The following CAV2 variants were observed in gnomAD, a reference collection of about 807,000 sequenced individuals.
CAV2 encodes caveolin-2.
CAV2 carries 7 observed loss-of-function variants against 15.5 expected under a neutral mutation model. The ratio of observed to expected loss-of-function variants is 0.45; its 90% CI spans 0.26 to 0.85. CAV2 has a LOEUF of 0.85. Ranked by LOEUF, CAV2 falls within the 40% of genes least tolerant of loss-of-function variation. The pLI is 0.18. For missense variants in CAV2, 229 were observed against 208.8 expected (o/e 1.10, Z -0.60); for synonymous variants, 76 against 83.1 (o/e 0.91, Z 0.46).
At position 116,500,538 on chromosome 7, in the gene CAV2, G is replaced by C. The variant is rs370692837; in HGVS notation, c.338+91G>C. 3.5e-5 allele frequency: 46 copies of C among 1,297,736 alleles called. 1 individual carries two copies. In the East Asian group the frequency reaches 6.8e-4, roughly 19 times the overall value. The allele number at this position is 1,297,736 out of a possible 1,614,324, so 80.4% of individuals were successfully genotyped here. A position where few individuals can be genotyped will look rare whatever the true frequency, so the allele number is the denominator to read the frequency against. ...CCTACTCTCCTCTTATCCCAGGCCG[G>C]CGTCAGGAGGAGGAACGCGCATCAG... On this transcript the variant is annotated intron_variant, in intron 2 of 2. Coordinates refer to ENST00000222693, the MANE Select transcript of CAV2 (RefSeq NM_001233.5).
At position 116,507,535 on chromosome 7, in the gene CAV2, T is replaced by C. The variant is rs1021162986; in HGVS notation, c.*1414T>C. 2 of 152,120 alleles carry C rather than the reference T, an allele frequency of 1.3e-5. No homozygotes were observed. The highest frequency in any genetic ancestry group is 2.9e-5 in the Non-Finnish European group (2 of 68,090). The allele number at this position is 152,120 out of a possible 1,614,324, so 9.4% of individuals were successfully genotyped here. A position where few individuals can be genotyped will look rare whatever the true frequency, so the allele number is the denominator to read the frequency against. On this transcript the variant is annotated 3_prime_UTR_variant, in exon 3 of 3. Transcript: ENST00000222693. The stretch of plus-strand genomic sequence containing the variant: ...AAAATACAAAAAAATTAGTTGGGCA[T>C]GGTGGCATGCACCTGTAGTCCCAGC...
chr7:116,500,515 T>C, intron 2 of CAV2, 68 bp downstream of exon 2: 2 of 1,460,252 alleles, frequency 1.4e-6, no homozygotes, highest in East Asian at 4.6e-5. Context: ...ACCTGCCCCC[T>C]ACTCTCCTCT....
At chr7:116,501,446 T>C (rs1441860410) in intron 2 of CAV2, among the ~76,000 whole-genome samples, 1 of 152,242 alleles carries the variant, frequency 6.6e-6, no homozygotes, top group Non-Finnish European at 1.5e-5. Context: ...TGATAAATAC[T>C]CGGTGTTCAT....
In CAV2 at chr7:116,507,043, G is replaced by C. The variant is rs73457934; in HGVS notation, c.*922G>C. 6.0e-4 allele frequency: 91 copies of C among 152,690 alleles called. No individual in the cohort carries two copies. The highest frequency in any genetic ancestry group is 2.1e-3 in the African/African-American group (89 of 41,558). 9.5% of individuals were successfully genotyped at this position (152,690 alleles called of 1,614,324 possible). On this transcript the variant is annotated 3_prime_UTR_variant, in exon 3 of 3. Transcript: ENST00000222693. Reference sequence around the variant, plus strand: ...CATATCTAAATAGTATTTTGTCTAGGAGATGCTTTCTCTCTAGTAGTTAGA... The same window carrying C: ...CATATCTAAATAGTATTTTGTCTAGCAGATGCTTTCTCTCTAGTAGTTAGA...
Position 116,499,947 on chromosome 7 carries a change from G to A in CAV2, c.150+16G>A. 2 of 1,608,292 alleles carry A rather than the reference G, an allele frequency of 1.2e-6. No individual in the cohort carries two copies. The highest frequency in any genetic ancestry group is 1.7e-6 in the Non-Finnish European group (2 of 1,178,026). On this transcript the variant is annotated intron_variant, in intron 1 of 2. Transcript: ENST00000222693. ...GCATCTCAAGGTGAAGCCCGGGGCG[G>A]GCGGGCCCAAGTCCCCGCTGAGGCC...
chr7:116,502,938 A>G (rs1338227100), intron 2 of CAV2, among the ~76,000 whole-genome samples: 1 of 152,182 alleles, frequency 6.6e-6, no homozygotes, highest in African/African-American at 2.4e-5. Context: ...GAGCACCCAT[A>G]TCCCTTATTT....
At position 116,506,931 on chromosome 7, in the gene CAV2, C is replaced by T. The variant is rs1378793715; in HGVS notation, c.*810C>T. 3.9e-5 allele frequency: 6 copies of T among 152,118 alleles called. No homozygotes were observed. The highest frequency in any genetic ancestry group is 1.9e-4 in the East Asian group (1 of 5,204). The allele number at this position is 152,118 out of a possible 1,614,324, so 9.4% of individuals were successfully genotyped here. On this transcript the variant is annotated 3_prime_UTR_variant, in exon 3 of 3. Coordinates refer to ENST00000222693, the MANE Select transcript of CAV2 (RefSeq NM_001233.5). Reference sequence around the variant, plus strand: ...TCTTTGGAAATAAAAGATAAAAGAGCGATACACAAAGCTTTCTTTTCTAAC... The same window carrying T: ...TCTTTGGAAATAAAAGATAAAAGAGTGATACACAAAGCTTTCTTTTCTAAC...
At chr7:116,505,530 G>A (rs184743696) in intron 2 of CAV2, among the ~76,000 whole-genome samples, 13 of 152,212 alleles carry the variant, frequency 8.5e-5, no homozygotes, top group African/African-American at 2.6e-4. Context: ...ATCTACTTTA[G>A]GCAAGGACCT....
intron 1 of CAV2, 101 bp downstream of exon 1, chr7:116,500,032 GC>G: frequency 6.7e-7 from 1 of 1,502,672 alleles, no homozygotes; most frequent in Non-Finnish European, 8.9e-7. Context: ...TACCGGGTCG[GC>G]CCCGCAGGGT....
intron 2 of CAV2, among the ~76,000 whole-genome samples, chr7:116,503,363 A>G (rs1181816992): frequency 6.6e-6 from 1 of 152,128 alleles, no homozygotes; most frequent in East Asian, 1.9e-4. Flanking sequence ...AAACAAAAAT[A>G]AAATCCAAAT....
intron 2 of CAV2, chr7:116,501,253 A>T (rs939926116): frequency 8.5e-5 from 13 of 152,226 alleles, no homozygotes; most frequent in African/African-American, 3.1e-4. Context: ...GGAAAATGTC[A>T]TATTTTACCA....
At chr7:116,504,586 T>G (rs1793187986) in intron 2 of CAV2, among the ~76,000 whole-genome samples, 1 of 152,152 alleles carries the variant, frequency 6.6e-6, no homozygotes. Flanking sequence ...AGACCCTCAT[T>G]TAAGTCATAT....
At chr7:116,505,865 C>A in intron 2 of CAV2, 106 bp from the exon 3 acceptor site, 3 of 715,682 alleles carry the variant, frequency 4.2e-6, no homozygotes, top group Non-Finnish European at 6.7e-6. Context: ...AACTCTCAAC[C>A]AAATTTAAGT....
At chr7:116,503,755 G>A (rs987445826) in intron 2 of CAV2, among the ~76,000 whole-genome samples, 6 of 151,652 alleles carry the variant, frequency 4.0e-5, no homozygotes, top group East Asian at 1.9e-4. Context: ...ACTCGAACCC[G>A]GGAGGCGAAG....
chr7:116,505,399 C>G (rs937597541), intron 2 of CAV2, among the ~76,000 whole-genome samples: 1 of 152,156 alleles, frequency 6.6e-6, no homozygotes, highest in Non-Finnish European at 1.5e-5. Flanking sequence ...TTTTGTGCAT[C>G]TTATCACTTT....
In CAV2 at chr7:116,508,199, C is replaced by T. The variant is rs1793287722; in HGVS notation, c.*2078C>T. 1 of 152,060 alleles carries T rather than the reference C, an allele frequency of 6.6e-6. No homozygotes were observed. The highest frequency in any genetic ancestry group is 1.5e-5 in the Non-Finnish European group (1 of 68,002). The allele number at this position is 152,060 out of a possible 1,614,324, so 9.4% of individuals were successfully genotyped here. ...TTATACATTTGGTTATGTTGATAAA[C>T]CAAAAACATTTGATTAATAAAATAT... On this transcript the variant is annotated 3_prime_UTR_variant, in exon 3 of 3. Coordinates refer to ENST00000222693, the MANE Select transcript of CAV2 (RefSeq NM_001233.5).
intron 1 of CAV2, 98 bp from the exon 2 acceptor site, chr7:116,500,162 C>G: frequency 1.3e-6 from 2 of 1,524,850 alleles, no homozygotes; most frequent in Non-Finnish European, 1.7e-6. Context: ...GACGCCCTGG[C>G]ACGTCCTTCC....
intron 2 of CAV2, among the ~76,000 whole-genome samples, chr7:116,504,038 A>AAAAG (rs34652023): frequency 0.42 from 51,078 of 122,566 alleles, 8,891 homozygotes; most frequent in African/African-American, 0.43. Flanking sequence ...AAGAGAAAGA[A>AAAAG]AAAGAAAGAA....
At chr7:116,503,193 C>T (rs1793143025) in intron 2 of CAV2, among the ~76,000 whole-genome samples, 1 of 149,412 alleles carries the variant, frequency 6.7e-6, no homozygotes, top group African/African-American at 2.4e-5. Context: ...ATAAGATTTA[C>T]TTAAGAAGTA....
Sources: gnomAD v4.1 joint callset for allele counts (sites outside exome capture counted in the v4.1 genomes callset) on GRCh38, gnomAD v4.1.1 for gene constraint, MANE v1.5 for transcripts, NCBI Gene and HGNC (gene_info 2026-07-23, HGNC 2026-07-21) for gene names.